CHL1: variants seen among roughly 807,000 people sequenced by gnomAD.
The protein encoded by CHL1 is cell adhesion molecule L1 like.
CHL1 carries 96 observed loss-of-function variants against 141.9 expected under a neutral mutation model. The ratio of observed to expected loss-of-function variants is 0.68; its 90% CI spans 0.57 to 0.80. The LOEUF (loss-of-function observed/expected upper bound fraction) is 0.80. Among genes scored for constraint, CHL1 ranks in the 30% least tolerant of loss-of-function variants. CHL1 has a pLI of 0.00. For synonymous variants in CHL1, 613 were observed against 502.2 expected (o/e 1.22, Z -2.95); for missense variants, 1,820 against 1,457.2 (o/e 1.25, Z -4.05).
intron 2 of CHL1, among the ~76,000 whole-genome samples, chr3:245,131 G>T (rs1013132237): frequency 2.0e-5 from 3 of 152,096 alleles, no homozygotes; most frequent in African/African-American, 4.8e-5. Context: ...TAGTCTGAAC[G>T]ACTTACAGCT....
chr3:292,828 A>G (rs1277491187), intron 2 of CHL1, among the ~76,000 whole-genome samples: 1 of 152,134 alleles, frequency 6.6e-6, no homozygotes, highest in Non-Finnish European at 1.5e-5. Context: ...ACCAGATCTC[A>G]AGAGAACTCA....
At chr3:378,263 G>C (rs1706592824) in intron 16 of CHL1, among the ~76,000 whole-genome samples, 1 of 152,092 alleles carries the variant, frequency 6.6e-6, no homozygotes, top group Non-Finnish European at 1.5e-5. Context: ...GGTGTACAAA[G>C]AAATGGGGCT....
chr3:367,473 A>G (rs1007725780), intron 15 of CHL1, among the ~76,000 whole-genome samples: 1 of 152,192 alleles, frequency 6.6e-6, no homozygotes, highest in African/African-American at 2.4e-5. Flanking sequence ...TTTAAATCCC[A>G]TAACATAGTT....
intron 12 of CHL1, among the ~76,000 whole-genome samples, chr3:361,042 C>CA (rs1483690808): frequency 2.0e-5 from 3 of 151,908 alleles, no homozygotes; most frequent in African/African-American, 4.8e-5. Flanking sequence ...AATAATGCCG[C>CA]AAAAAACATA....
At chr3:290,735 G>A (rs1466088557) in intron 2 of CHL1, among the ~76,000 whole-genome samples, 2 of 152,046 alleles carry the variant, frequency 1.3e-5, no homozygotes. Context: ...AACATCAGAT[G>A]GCAATAAGGT....
rs190342652 is a variant in CHL1, at chr3:301,982, C to T, written c.-94-17701C>T. Among the ~76,000 whole-genome samples the T allele has an allele frequency of 3.6e-4, 55 of 152,226 alleles. 2 individuals carry two copies. In the East Asian group the frequency reaches 0.01, roughly 28 times the overall value. On this transcript the variant is annotated intron_variant, in intron 2 of 27. Coordinates refer to ENST00000256509, the MANE Select transcript of CHL1 (RefSeq NM_006614.4). ...TCTCCTTGTTCAACTCCCACTTATG[C>T]GTGAGAATATGTGGTGCATGGTTTT... is the stretch of plus-strand genomic sequence containing the variant.
chr3:332,526 GTT>G (rs957691090), intron 5 of CHL1, among the ~76,000 whole-genome samples: 1 of 151,688 alleles, frequency 6.6e-6, no homozygotes, highest in Admixed American at 6.6e-5. Context: ...CTTTCTTTGT[GTT>G]TTTTTTACAT....
intron 1 of CHL1, among the ~76,000 whole-genome samples, chr3:214,218 A>G (rs1024398903): frequency 6.6e-6 from 1 of 152,184 alleles, no homozygotes; most frequent in Non-Finnish European, 1.5e-5. Context: ...CTTACTTTTC[A>G]GCTGCGTTAA....
intron 26 of CHL1, 112 bp downstream of exon 26, chr3:399,260 C>A: frequency 2.5e-6 from 2 of 802,856 alleles, no homozygotes; most frequent in Non-Finnish European, 4.2e-6. Flanking sequence ...TTTATATTAG[C>A]AAGTTAGATG....
intron 1 of CHL1, among the ~76,000 whole-genome samples, chr3:220,466 T>C (rs570509464): frequency 6.6e-6 from 1 of 152,058 alleles, no homozygotes; most frequent in Non-Finnish European, 1.5e-5. Flanking sequence ...AGAAGAATTG[T>C]CTTGAGCCAC....
intron 16 of CHL1, among the ~76,000 whole-genome samples, chr3:380,837 T>C (rs1011529308): frequency 1.3e-5 from 2 of 152,348 alleles, no homozygotes; most frequent in Admixed American, 6.5e-5. Flanking sequence ...ATGATTGAAG[T>C]AATAATATCT....
chr3:222,491 ACCT>A (rs1367184962), intron 1 of CHL1, among the ~76,000 whole-genome samples: 2 of 152,066 alleles, frequency 1.3e-5, no homozygotes, highest in Non-Finnish European at 2.9e-5. Flanking sequence ...CACTTATATA[ACCT>A]CCTTTCAGAA....
At chr3:271,295 T>A (rs1695613443) in intron 2 of CHL1, among the ~76,000 whole-genome samples, 1 of 151,944 alleles carries the variant, frequency 6.6e-6, no homozygotes, top group Admixed American at 6.6e-5. Flanking sequence ...TTTAATGGGG[T>A]GAGGTTGGTG....
chr3:338,211 CAAGTCCAGTCTTGTTGAAACA>C (rs1702084333), intron 5 of CHL1, among the ~76,000 whole-genome samples: 1 of 152,148 alleles, frequency 6.6e-6, no homozygotes, highest in Non-Finnish European at 1.5e-5. Flanking sequence ...CATTCAGGAT[CAAGTCCAGTCTTGTTGAAACA>C]AAGTTAAGTG....
rs543440939 is a variant in CHL1 at position 356,912 on chromosome 3, C to A, written c.1165+2141C>A. 4.6e-5 allele frequency among the ~76,000 whole-genome samples: 7 copies of A among 152,264 alleles called. No homozygotes were observed. The East Asian group carries it at 1.4e-3, about 29-fold the overall frequency. On this transcript the variant is annotated intron_variant, in intron 11 of 27. Transcript: ENST00000256509. ...ATTTTAAGCAGAAGAGTGACACAAT[C>A]TAATTTACATTTTTACAAGGTATTT...
At chr3:296,504 G>C (rs951337935) in intron 2 of CHL1, among the ~76,000 whole-genome samples, 1 of 151,724 alleles carries the variant, frequency 6.6e-6, no homozygotes, top group Non-Finnish European at 1.5e-5. Context: ...TTAGAACCAC[G>C]GTCGTCGGCA....
intron 15 of CHL1, among the ~76,000 whole-genome samples, chr3:375,361 G>T (rs899621467): frequency 1.1e-4 from 16 of 151,980 alleles, no homozygotes; most frequent in African/African-American, 3.9e-4. Context: ...AACTAGGAGG[G>T]CGTGGGAGGA....
chr3:257,891 G>T (rs1020906087), intron 2 of CHL1, among the ~76,000 whole-genome samples: 1 of 152,112 alleles, frequency 6.6e-6, no homozygotes, highest in African/African-American at 2.4e-5. Context: ...ACTTAAATAG[G>T]CGAAGAAATC....
chr3:303,671 A>T (rs657505), intron 2 of CHL1, among the ~76,000 whole-genome samples: 37,156 of 151,732 alleles, frequency 0.24, 7,826 homozygotes, highest in African/African-American at 0.56. Context: ...AATCATGTCA[A>T]CTCCAAACAG....
Sources: gnomAD v4.1 joint callset for allele counts (sites outside exome capture counted in the v4.1 genomes callset) on GRCh38, gnomAD v4.1.1 for gene constraint, MANE v1.5 for transcripts, NCBI Gene and HGNC (gene_info 2026-07-23, HGNC 2026-07-21) for gene names.